PCDH19: variants seen among roughly 807,000 people sequenced by gnomAD.
PCDH19 encodes the protein protocadherin-19.
A neutral mutation model predicts 46.2 loss-of-function variants in PCDH19; 6 were observed. The ratio of observed to expected loss-of-function variants is 0.13; its 90% confidence interval spans 0.07 to 0.26. The LOEUF is 0.26. Ranked by LOEUF, PCDH19 falls within the 10% of genes least tolerant of loss-of-function variation. The pLI is 1.00. For synonymous variants in PCDH19, 481 were observed against 415.7 expected (o/e 1.16, Z -1.91); for missense variants, 740 against 972.3 (o/e 0.76, Z 3.18).
chrX:100,367,575 T>A (rs1050553790), intron 3 of PCDH19, among the ~76,000 whole-genome samples: 1 of 111,566 alleles, frequency 9.0e-6, no homozygotes, highest in East Asian at 2.8e-4. Context: ...GAACACTGTG[T>A]CCTCACAAGA....
intron 5 of PCDH19, among the ~76,000 whole-genome samples, chrX:100,302,895 A>C (rs1156396495): frequency 8.9e-6 from 1 of 111,985 alleles, no homozygotes; most frequent in Non-Finnish European, 1.9e-5. Context: ...CACAGAAAGA[A>C]GGAAGAATAT....
rs1569304466 is a variant in PCDH19 at position 100,371,017 on chromosome X, GTGTGT to G, written c.2617-20318_2617-20314del. Among the ~76,000 whole-genome samples, 96 of 110,067 alleles carry G rather than the reference GTGTGT, an allele frequency of 8.7e-4. 1 individual carries two copies. The East Asian group carries it at 0.026, about 30-fold the overall frequency. On this transcript the variant is annotated intron_variant, in intron 3 of 5. Coordinates refer to ENST00000373034, the MANE Select transcript of PCDH19 (RefSeq NM_001184880.2). The stretch of plus-strand genomic sequence containing the variant: ...CATGTGTGTGTGTGTGTGTGTGTGT[GTGTGT>G]GTGGGTGTGTGTGTATGCATGTGTT...
chrX:100,326,906 G>C (rs1284074510), intron 5 of PCDH19, among the ~76,000 whole-genome samples: 1 of 111,008 alleles, frequency 9.0e-6, no homozygotes, highest in Non-Finnish European at 1.9e-5. Flanking sequence ...TCTCCCCTCT[G>C]AGACTTTTAA....
chrX:100,376,255 GAAAAGAAAAGAAAAAAGA>G (rs1927380789), intron 3 of PCDH19, among the ~76,000 whole-genome samples: 1 of 93,074 alleles, frequency 1.1e-5, no homozygotes, highest in Non-Finnish European at 2.1e-5. Flanking sequence ...AAAAAAAAAA[GAAAAGAAAAGAAAAAAGA>G]AAAGACAGAT....
chrX:100,353,959 T>G (rs962559083), intron 3 of PCDH19, among the ~76,000 whole-genome samples: 27 of 112,025 alleles, frequency 2.4e-4, no homozygotes, highest in African/African-American at 8.8e-4. Context: ...CATTGTCCTG[T>G]GCCTTTGTAA....
chrX:100,354,614 T>C (rs1926661434), intron 3 of PCDH19, among the ~76,000 whole-genome samples: 1 of 112,235 alleles, frequency 8.9e-6, no homozygotes, highest in Admixed American at 9.5e-5. Context: ...TTTTGTCAGA[T>C]TACCTGCCAA....
chrX:100,367,809 C>T (rs1168094456), intron 3 of PCDH19, among the ~76,000 whole-genome samples: 2 of 111,276 alleles, frequency 1.8e-5, no homozygotes, highest in East Asian at 2.8e-4. Flanking sequence ...CATGGGAGCA[C>T]GGAGGAGAGA....
chrX:100,318,749 G>A (rs1315730737), intron 5 of PCDH19, among the ~76,000 whole-genome samples: 1 of 111,347 alleles, frequency 9.0e-6, no homozygotes, highest in Non-Finnish European at 1.9e-5. Flanking sequence ...GAGTAGAAGG[G>A]TTAATGGTGA....
chrX:100,306,524 C>T (rs905835809), intron 5 of PCDH19, among the ~76,000 whole-genome samples: 1 of 110,529 alleles, frequency 9.0e-6, no homozygotes, highest in African/African-American at 3.3e-5. Flanking sequence ...CAAGAACAAT[C>T]CAAATGCAAA....
At chrX:100,309,976 G>A (rs1925082979) in intron 5 of PCDH19, among the ~76,000 whole-genome samples, 1 of 112,264 alleles carries the variant, frequency 8.9e-6, no homozygotes. Context: ...CCTCTGTGAT[G>A]CCAAATGGCA....
intron 3 of PCDH19, among the ~76,000 whole-genome samples, chrX:100,387,296 C>G (rs1927744128): frequency 9.0e-6 from 1 of 111,461 alleles, no homozygotes; most frequent in Admixed American, 9.6e-5. Flanking sequence ...GGATTGAACC[C>G]ATTCTAATTT....
intron 3 of PCDH19, among the ~76,000 whole-genome samples, chrX:100,374,771 C>T (rs1037234625): frequency 9.0e-6 from 1 of 110,740 alleles, no homozygotes; most frequent in Admixed American, 9.7e-5. Flanking sequence ...AACCCCGTCT[C>T]TACTAAAAAT....
At chrX:100,349,709 T>A (rs1926514763) in intron 4 of PCDH19, among the ~76,000 whole-genome samples, 1 of 112,377 alleles carries the variant, frequency 8.9e-6, no homozygotes, top group Non-Finnish European at 1.9e-5. Flanking sequence ...ATACTCAGAG[T>A]TCAATTTTAG....
At position 100,407,704 on chromosome X, in the gene PCDH19, G is replaced by A. The variant is rs1362026055; in HGVS notation, c.894C>T (p.Val298=). The A allele has an allele frequency of 2.5e-6, 3 of 1,211,243 alleles. No homozygotes were observed. In the African/African-American group the frequency reaches 5.2e-5, roughly 21 times the overall value. ...CGTAGTCTAAAGCGCCAGTGACAGTGACCAGGCCACTGTGCGGGTCGATCT... is the reference window on the plus strand; with the variant it reads ...CGTAGTCTAAAGCGCCAGTGACAGTAACCAGGCCACTGTGCGGGTCGATCT... ...LFQIDPHSGL[V]TVTGALDYEE... is the part of the protein sequence containing the mutation. Residue 298 remains valine (V), a synonymous_variant, in exon 1 of 6, where the codon GTC becomes GTT. Transcript: ENST00000373034.
At chrX:100,326,665 T>C (rs1337219175) in intron 5 of PCDH19, among the ~76,000 whole-genome samples, 1 of 111,688 alleles carries the variant, frequency 9.0e-6, no homozygotes, top group East Asian at 2.8e-4. Context: ...TGCTCAAGAA[T>C]ATGTATATTT....
intron 5 of PCDH19, among the ~76,000 whole-genome samples, chrX:100,327,326 A>T (rs1398756147): frequency 1.8e-5 from 2 of 112,504 alleles, no homozygotes; most frequent in Non-Finnish European, 3.8e-5. Context: ...GATTCGAACA[A>T]ATAAGGTCAA....
At chrX:100,406,170 T>C (rs934328889) in intron 1 of PCDH19, among the ~76,000 whole-genome samples, 4 of 111,824 alleles carry the variant, frequency 3.6e-5, no homozygotes, top group African/African-American at 1.3e-4. Context: ...CATAACTTCA[T>C]GGAGACAGCT....
chrX:100,313,408 G>T (rs1925191239), intron 5 of PCDH19, among the ~76,000 whole-genome samples: 1 of 111,396 alleles, frequency 9.0e-6, no homozygotes, highest in Non-Finnish European at 1.9e-5. Context: ...TTCCAATTCG[G>T]CAGTTATAAG....
intron 3 of PCDH19, among the ~76,000 whole-genome samples, chrX:100,399,683 C>CT (rs1928123355): frequency 9.0e-6 from 1 of 111,478 alleles, no homozygotes; most frequent in African/African-American, 3.3e-5. Context: ...GTAAGTGGGC[C>CT]TCTCTCCTTT....
Sources: allele counts gnomAD v4.1 joint callset (sites outside exome capture counted in the v4.1 genomes callset), GRCh38; gene constraint gnomAD v4.1.1; transcripts MANE v1.5; gene names NCBI Gene and HGNC (gene_info 2026-07-23, HGNC 2026-07-21).